Variants in JAKMIP1 observed in about 807,000 individuals in gnomAD.
JAKMIP1 encodes janus kinase and microtubule interacting protein 1.
In JAKMIP1, 33 loss-of-function variants were observed where a neutral mutation model predicts 113.0. The observed-to-expected ratio is 0.29, with a 90% CI of 0.22 to 0.39. JAKMIP1 has a LOEUF of 0.39. Ranked by LOEUF, JAKMIP1 falls within the 10% of genes least tolerant of loss-of-function variation. The pLI, the probability that JAKMIP1 is intolerant of heterozygous loss-of-function variation, is 1.00. For missense variants in JAKMIP1, 813 were observed against 1,080.5 expected, an observed-to-expected ratio of 0.75 and a Z score of 3.47; for synonymous variants, 480 against 459.9, an observed-to-expected ratio of 1.04 and a Z score of -0.56.
In JAKMIP1 at chr4:6,040,076, A is replaced by T. The variant is rs1440185605; in HGVS notation, c.2175+563T>A. 1.3e-5 allele frequency among the ~76,000 whole-genome samples: 2 copies of T among 152,188 alleles called. No individual in the cohort carries two copies. Among genetic ancestry groups the T allele is most frequent in the African/African-American group, 4.8e-5 (2 of 41,454 alleles). On this transcript the variant is annotated intron_variant, in intron 18 of 20. Coordinates refer to ENST00000409021, the MANE Select transcript of JAKMIP1 (RefSeq NM_001099433.2). The surrounding 1 kb of genome is among the most constrained non-coding windows in gnomAD (Gnocchi z 5.8). Reference sequence around the variant, plus strand: ...CAACTCCCCTCCACCCCGAAGGAGAATTTCTCTCGTGCCAGGAGCACTTAG... The same window carrying T: ...CAACTCCCCTCCACCCCGAAGGAGATTTTCTCTCGTGCCAGGAGCACTTAG...
rs1207177117 is a variant in JAKMIP1, at chr4:6,141,811, C to A, written c.-147-28814G>T. Among the ~76,000 whole-genome samples the A allele has an allele frequency of 6.6e-6, 1 of 152,168 alleles. No homozygotes were observed. Among genetic ancestry groups the A allele is most frequent in the Non-Finnish European group, 1.5e-5 (1 of 68,044 alleles). On this transcript the variant is annotated intron_variant, in intron 1 of 20. Transcript: ENST00000409021. The surrounding 1 kb of genome is among the most constrained non-coding windows in gnomAD (Gnocchi z 9.4). ...CAACCTCCCTGGCCACTGAGCAGCC[C>A]GGTGGGAGCGGAAGTTGATGTGGAA... is the stretch of plus-strand genomic sequence containing the variant.
At chr4:6,056,086 G>C (rs546173067) in intron 12 of JAKMIP1, among the ~76,000 whole-genome samples, 15 of 150,334 alleles carry the variant, frequency 1.0e-4, no homozygotes, top group African/African-American at 3.7e-4. Context: ...CATTTCTGCA[G>C]AGTGTCCCTA....
chr4:6,149,100 G>C (rs1053842651), intron 1 of JAKMIP1, among the ~76,000 whole-genome samples: 1 of 152,148 alleles, frequency 6.6e-6, no homozygotes, highest in Non-Finnish European at 1.5e-5. Context: ...CACTGACTTC[G>C]GCCACAGCCT....
intron 1 of JAKMIP1, among the ~76,000 whole-genome samples, chr4:6,131,377 A>AC (rs1553848253): frequency 2.0e-5 from 3 of 151,610 alleles, no homozygotes; most frequent in East Asian, 1.9e-4. Flanking sequence ...AAAAAAAAAA[A>AC]AAAACAAAAC....
Position 6,138,795 on chromosome 4 carries a change from T to G in JAKMIP1, c.-147-25798A>C, listed in dbSNP as rs1363944315. ...CCTGGGGCAGGTGCCTTGTCCTCCC[T>G]GAGCTTCAGTTTCCCCTAACCTGGA... On this transcript the variant is annotated intron_variant, in intron 1 of 20. Transcript: ENST00000409021. The surrounding 1 kb of genome is among the most constrained non-coding windows in gnomAD (Gnocchi z 6.0). Among the ~76,000 whole-genome samples the G allele has an allele frequency of 6.6e-6, 1 of 152,148 alleles. No homozygotes were observed. Among genetic ancestry groups the G allele is most frequent in the Admixed American group, 6.5e-5 (1 of 15,282 alleles).
Position 6,184,070 on chromosome 4 carries a change from T to A in JAKMIP1, c.-148+16183A>T, listed in dbSNP as rs1030228790. Among the ~76,000 whole-genome samples, 11 of 152,210 alleles carry A rather than the reference T, an allele frequency of 7.2e-5. No individual in the cohort carries two copies. The highest frequency in any genetic ancestry group is 2.7e-4 in the African/African-American group (11 of 41,450). On this transcript the variant is annotated intron_variant, in intron 1 of 20. Transcript: ENST00000409021. This position sits in a 1 kb window ranked among gnomAD's most constrained non-coding sequence, Gnocchi z 4.5. The stretch of plus-strand genomic sequence containing the variant: ...ACTGGTAAATGTTGTCAGTTTAAAG[T>A]CATAAGATAAATGTGAGAATAAACC...
At position 6,137,734 on chromosome 4, in the gene JAKMIP1, C is replaced by T. The variant is rs1444193188; in HGVS notation, c.-147-24737G>A. Among the ~76,000 whole-genome samples, 1 of 152,254 alleles carries T rather than the reference C, an allele frequency of 6.6e-6. No homozygotes were observed. The highest frequency in any genetic ancestry group is 1.5e-5 in the Non-Finnish European group (1 of 68,054). ...GCTCTGCACATCACTTAGGTTCCAT[C>T]ATTCATTCAATTCATCAGTCCTTCA... On this transcript the variant is annotated intron_variant, in intron 1 of 20. Transcript: ENST00000409021. This position sits in a 1 kb window ranked among gnomAD's most constrained non-coding sequence, Gnocchi z 4.5.
chr4:6,062,340 C>A lies in JAKMIP1; in HGVS notation c.1532G>T (p.Gly511Val). The stretch of plus-strand genomic sequence containing the variant: ...GGCCTCCCTCTCAGCGTCCAGCGTG[C>A]CTCCCACCTGCTCCTGGAGCAGGGC... ...AYALLQEQVGGTLDAEREART... is the reference protein window; with the variant it reads ...AYALLQEQVGVTLDAEREART... Residue 511 changes from glycine (G) to valine (V), a missense_variant, in exon 10 of 21, where the codon GGC (glycine) becomes GTC (valine). Around this residue, in one of 2 missense-constraint regions of JAKMIP1, gnomAD observed 273 missense variants for 426.6 expected, o/e 0.64. Transcript: ENST00000409021. 1 of 1,613,284 alleles carries A rather than the reference C, an allele frequency of 6.2e-7. No individual in the cohort carries two copies. Among genetic ancestry groups the A allele is most frequent in the Non-Finnish European group, 8.5e-7 (1 of 1,179,962 alleles).
Position 6,136,734 on chromosome 4 carries a change from C to T in JAKMIP1, c.-147-23737G>A, listed in dbSNP as rs1013589463. Among the ~76,000 whole-genome samples the T allele has an allele frequency of 2.6e-5, 4 of 152,162 alleles. No homozygotes were observed. The highest frequency in any genetic ancestry group is 7.2e-5 in the African/African-American group (3 of 41,420). ...CTGCCCAGGAAAAATAAATAAATAACAAGAACTTCCTCCCTGTCCAGTCCA... is the reference window on the plus strand; with the variant it reads ...CTGCCCAGGAAAAATAAATAAATAATAAGAACTTCCTCCCTGTCCAGTCCA... On this transcript the variant is annotated intron_variant, in intron 1 of 20. Transcript: ENST00000409021. The surrounding 1 kb of genome is among the most constrained non-coding windows in gnomAD (Gnocchi z 5.9).
At chr4:6,068,165 A>G (rs1478786395) in intron 8 of JAKMIP1, among the ~76,000 whole-genome samples, 1 of 152,228 alleles carries the variant, frequency 6.6e-6, no homozygotes. Flanking sequence ...GGCATTAACT[A>G]CCAATGCTGC....
rs765827025 is a variant in JAKMIP1, at chr4:6,105,894, T to C, written c.203A>G (p.Tyr68Cys). ...CAGCTTGGCCTTGAGCTCCGAAATG[T>C]AGGCCGTGTGCCGTCGCTGCTCCTG... Reference protein sequence around the residue: ...REQEQRRHTAYISELKAKLHE... With the variant: ...REQEQRRHTACISELKAKLHE... Residue 68 changes from tyrosine (Y) to cysteine (C), a missense_variant, in exon 3 of 21, where the codon TAC becomes TGC. Tyr to Cys is a radical substitution (Grantham distance 194, BLOSUM62 -2). Around this residue, in one of 2 missense-constraint regions of JAKMIP1, gnomAD observed 540 missense variants for 653.9 expected, o/e 0.83. Coordinates refer to ENST00000409021, the MANE Select transcript of JAKMIP1 (RefSeq NM_001099433.2). The C allele has an allele frequency of 6.2e-7, 1 of 1,611,990 alleles. No individual in the cohort carries two copies. The highest frequency in any genetic ancestry group is 8.5e-7 in the Non-Finnish European group (1 of 1,179,792).
chr4:6,075,122 G>A (rs1296324788), intron 8 of JAKMIP1, among the ~76,000 whole-genome samples: 1 of 152,176 alleles, frequency 6.6e-6, no homozygotes, highest in African/African-American at 2.4e-5. Flanking sequence ...TGAGCCAAGA[G>A]CGTGCCACTG....
chr4:6,098,719 AGAAAAAGAAAGAAAGAGAAG>A (rs1712444133), intron 3 of JAKMIP1, among the ~76,000 whole-genome samples: 525 of 10,168 alleles, frequency 0.052, 8 homozygotes, highest in Non-Finnish European at 0.089. Context: ...AAAGAAAGAA[AGAAAAAGAAAGAAAGAGAAG>A]GAAGGAAGGA....
intron 4 of JAKMIP1, 94 bp from the exon 5 acceptor site, chr4:6,085,059 A>G: frequency 7.1e-7 from 1 of 1,409,940 alleles, no homozygotes; most frequent in Non-Finnish European, 9.5e-7. Flanking sequence ...ACATGACATA[A>G]TGGGTGAGAT....
rs1206427387 is a variant in JAKMIP1 at position 6,137,667 on chromosome 4, A to G, written c.-147-24670T>C. On this transcript the variant is annotated intron_variant, in intron 1 of 20. Transcript: ENST00000409021. This position sits in a 1 kb window ranked among gnomAD's most constrained non-coding sequence, Gnocchi z 4.5. ...GAGCTATCCTGAAATGCGGAGGCTA[A>G]AGAGCCACAAACCATATCTCTGAGA... Among the ~76,000 whole-genome samples the G allele has an allele frequency of 6.6e-6, 1 of 152,198 alleles. No individual in the cohort carries two copies. The highest frequency in any genetic ancestry group is 2.4e-5 in the African/African-American group (1 of 41,446).
At chr4:6,112,608 G>A (rs1345241790) in intron 2 of JAKMIP1, 114 bp downstream of exon 2, 9 of 1,266,914 alleles carry the variant, frequency 7.1e-6, no homozygotes, top group Non-Finnish European at 1.0e-5. Flanking sequence ...GAGGTGAAGT[G>A]CCCCCCCTCG....
chr4:6,035,869 G>A (rs369594461), intron 19 of JAKMIP1, 35 bp downstream of exon 19: 27 of 1,516,566 alleles, frequency 1.8e-5, no homozygotes, highest in Admixed American at 8.0e-5. Flanking sequence ...CAAGGGTGCC[G>A]GGGTGCTGTG....
Position 6,036,069 on chromosome 4 carries a change from C to T in JAKMIP1, c.2214G>A (p.Leu738=). 6.4e-7 allele frequency: 1 copy of T among 1,558,748 alleles called. No homozygotes were observed. Among genetic ancestry groups the T allele is most frequent in the Non-Finnish European group, 8.7e-7 (1 of 1,150,986 alleles). Residue 738 remains leucine (L), a synonymous_variant, in exon 19 of 21, where the codon CTG becomes CTA. Transcript: ENST00000409021. The stretch of plus-strand genomic sequence containing the variant: ...CGGCCCTCCGCCCCGGCTCCTGCTG[C>T]AGCGCTGTGTACAGTGTGGCCTCCA... ...QDLEATLYTA[L]QQEPGRRAGE...
intron 3 of JAKMIP1, among the ~76,000 whole-genome samples, chr4:6,102,152 T>C (rs1487159830): frequency 6.6e-6 from 1 of 152,226 alleles, no homozygotes. Flanking sequence ...CTACTGTAAA[T>C]GATATTTTTT....
Sources: gnomAD v4.1 joint callset for allele counts (sites outside exome capture counted in the v4.1 genomes callset) on GRCh38, gnomAD v4.1.1 for gene constraint, gnomAD v4.1.1 regional missense constraint, Gnocchi (gnomAD v3.1) non-coding constraint, MANE v1.5 for transcripts, NCBI Gene and HGNC (gene_info 2026-07-23, HGNC 2026-07-21) for gene names.